OFD1: variants seen among roughly 807,000 people sequenced by gnomAD.
The protein encoded by OFD1 is OFD1 centriole and centriolar satellite protein.
Under a neutral mutation model 81.4 loss-of-function variants are expected in OFD1, and 12 were observed. That is an observed-to-expected ratio of 0.15 (90% confidence interval 0.09 to 0.24). The LOEUF (loss-of-function observed/expected upper bound fraction) is 0.24, where lower values mean the gene tolerates loss of function less well. Among genes scored for constraint, OFD1 ranks in the 10% least tolerant of loss-of-function variants. OFD1 has a pLI of 1.00. For missense variants in OFD1, 685 were observed against 733.9 expected, an observed-to-expected ratio of 0.93 and a Z score of 0.77; for synonymous variants, 256 against 263.7, an observed-to-expected ratio of 0.97 and a Z score of 0.28.
downstream of OFD1, chrX:13,773,117 A>G: frequency 2.4e-6 from 2 of 828,726 alleles, no homozygotes; most frequent in South Asian, 5.0e-5. Context: ...ACTTGACTTT[A>G]AAGGGGCGAA....
At chrX:13,753,116 TATG>T (rs1379817886) in intron 10 of OFD1, 4 of 991,212 alleles carry the variant, frequency 4.0e-6, no homozygotes, top group African/African-American at 2.0e-5. Flanking sequence ...TAAGTAACCT[TATG>T]ATAACACGAC....
At chrX:13,722,532 C>T in the OFD1 span, among the ~76,000 whole-genome samples, 1 of 111,689 alleles carries the variant, frequency 9.0e-6, no homozygotes, top group Non-Finnish European at 1.9e-5. Context: ...GCTTTTCATT[C>T]AGTTCTGCCA....
At chrX:13,741,527 A>C (rs2047104293) in intron 5 of OFD1, among the ~76,000 whole-genome samples, 2 of 111,708 alleles carry the variant, frequency 1.8e-5, no homozygotes, top group Admixed American at 1.9e-4. Context: ...CTAGTCACCC[A>C]TTCTTCCCAC....
downstream of OFD1, among the ~76,000 whole-genome samples, chrX:13,770,801 T>C (rs1342458798): frequency 4.5e-5 from 5 of 112,291 alleles, no homozygotes; most frequent in Admixed American, 2.8e-4. Flanking sequence ...TGAAGAGATT[T>C]TTGCCAGAAA....
intron 9 of OFD1, 81 bp from the exon 10 acceptor site, chrX:13,751,168 C>A: frequency 1.0e-6 from 1 of 957,788 alleles, no homozygotes; most frequent in Non-Finnish European, 1.5e-6. Flanking sequence ...GTCTGTGGAA[C>A]TAGACACATG....
chrX:13,757,520 A>T, intron 13 of OFD1, 140 bp from the exon 14 acceptor site: 1 of 658,454 alleles, frequency 1.5e-6, no homozygotes, highest in Non-Finnish European at 2.3e-6. Flanking sequence ...GAGCTCATTT[A>T]ATAGAATTAT....
chrX:13,746,217 A>G, intron 6 of OFD1, 102 bp from the exon 7 acceptor site: 3 of 743,181 alleles, frequency 4.0e-6, no homozygotes, highest in East Asian at 3.2e-5. Context: ...TAATCCCTAC[A>G]CTTTCCCCTA....
At chrX:13,752,934 C>T (rs1015624315) in intron 10 of OFD1, 2 of 903,614 alleles carry the variant, frequency 2.2e-6, no homozygotes, top group African/African-American at 2.1e-5. Flanking sequence ...TGTGCTTAGT[C>T]CCTGAGCACA....
At chrX:13,759,350 A>G (rs2047838123) in intron 15 of OFD1, among the ~76,000 whole-genome samples, 1 of 112,212 alleles carries the variant, frequency 8.9e-6, no homozygotes, top group African/African-American at 3.2e-5. Flanking sequence ...AAATCATAGC[A>G]GTCTCCTATC....
Position 13,769,067 on chromosome X carries a change from T to G in OFD1, c.2998T>G (p.Leu1000Val), listed in dbSNP as rs1227055609. ...AATTTTTATCTTTCCCTAATTTAGT[T>G]TAACAGGCTTTTCTCATGAAGAACT... Reference protein sequence around the residue: ...TLQSSDKVESLTGFSHEELDD... With the variant: ...TLQSSDKVESVTGFSHEELDD... Residue 1000 changes from leucine (L) to valine (V), a missense_variant and splice_region_variant, in exon 23 of 23, where the codon TTA becomes GTA. Leu to Val is a conservative substitution (Grantham distance 32). Coordinates refer to ENST00000340096, the MANE Select transcript of OFD1 (RefSeq NM_003611.3). The G allele has an allele frequency of 7.6e-6, 9 of 1,184,682 alleles. No homozygotes were observed. Among genetic ancestry groups the G allele is most frequent in the Non-Finnish European group, 1.0e-5 (9 of 872,071 alleles).
chrX:13,719,897 A>G, the OFD1 span: 2 of 1,202,122 alleles, frequency 1.7e-6, no homozygotes, highest in Non-Finnish European at 2.2e-6. Flanking sequence ...CCAGCTGGCA[A>G]AAACTCCATT....
downstream of OFD1, chrX:13,773,180 T>C (rs548620795): frequency 2.4e-6 from 1 of 421,835 alleles, no homozygotes. Flanking sequence ...TGTCAGATCC[T>C]GAAAGCATGC....
chrX:13,744,177 C>T (rs2047207981), intron 5 of OFD1, among the ~76,000 whole-genome samples: 1 of 110,903 alleles, frequency 9.0e-6, no homozygotes, highest in African/African-American at 3.3e-5. Flanking sequence ...CCTCTAGTCC[C>T]AGCTACTTGG....
intron 5 of OFD1, among the ~76,000 whole-genome samples, chrX:13,744,122 A>G (rs1178943271): frequency 1.8e-5 from 2 of 110,999 alleles, no homozygotes; most frequent in African/African-American, 6.6e-5. Context: ...GACCCTGTTT[A>G]TACAAAAAGT....
At chrX:13,729,447 C>A in the OFD1 span, among the ~76,000 whole-genome samples, 5 of 105,647 alleles carry the variant, frequency 4.7e-5, no homozygotes, top group Non-Finnish European at 4.0e-5. Flanking sequence ...TAACACCACA[C>A]ATCTACAACC....
chrX:13,732,834 T>C (rs1171084833), upstream of OFD1, among the ~76,000 whole-genome samples: 1 of 112,843 alleles, frequency 8.9e-6, no homozygotes, highest in Non-Finnish European at 1.9e-5. Flanking sequence ...CATGCCTCTT[T>C]ACAACCTCTA....
chrX:13,750,530 C>A (rs1041805650), intron 9 of OFD1, among the ~76,000 whole-genome samples: 43 of 112,447 alleles, frequency 3.8e-4, no homozygotes, highest in African/African-American at 1.4e-3. Context: ...TTTAAAGTCT[C>A]ACTATGAAGA....
Position 13,746,906 on chromosome X carries a change from G to C in OFD1, c.781G>C (p.Val261Leu), listed in dbSNP as rs149733425. The stretch of plus-strand genomic sequence containing the variant: ...TTGTCAAGCAAAATCTGAAGCTCTC[G>C]TTCTTCGGGAAAAGAGTACCCTTGA... ...KACQAKSEAL[V>L]LREKSTLERI... Residue 261 changes from valine (V) to leucine (L), a missense_variant, in exon 8 of 23, where the codon GTT (valine) becomes CTT (leucine). Physicochemically the swap from Val to Leu is conservative, Grantham distance 32. Transcript: ENST00000340096. 9 of 1,209,371 alleles carry C rather than the reference G, an allele frequency of 7.4e-6. No homozygotes were observed. The highest frequency in any genetic ancestry group is 1.0e-5 in the Non-Finnish European group (9 of 894,886).
At chrX:13,721,974 A>G in the OFD1 span, 2 of 110,384 alleles carry the variant, frequency 1.8e-5, no homozygotes, top group African/African-American at 6.6e-5. Flanking sequence ...TAGGGGAAAG[A>G]TAAGAAAAAG....
Sources: gnomAD v4.1 joint callset for allele counts (sites outside exome capture counted in the v4.1 genomes callset) on GRCh38, gnomAD v4.1.1 for gene constraint, MANE v1.5 for transcripts, NCBI Gene and HGNC (gene_info 2026-07-23, HGNC 2026-07-21) for gene names.